Variants in EDA observed in about 807,000 individuals in gnomAD.
The protein encoded by EDA is ectodysplasin A, also known as ectodysplasin-A.
Under a neutral mutation model 23.6 loss-of-function variants are expected in EDA, and 2 were observed. That is an observed-to-expected ratio of 0.08 (90% CI 0.03 to 0.27). EDA has a LOEUF of 0.27. Ranked by LOEUF, EDA falls within the 10% of genes least tolerant of loss-of-function variation. The probability of loss-of-function intolerance (pLI) is 1.00; values close to 1 mark genes in which losing one functional copy is unlikely to be tolerated. For synonymous variants in EDA, 131 were observed against 132.0 expected (o/e 0.99, Z 0.05); for missense variants, 229 against 324.2 (o/e 0.71, Z 2.26).
chrX:69,824,288 C>T (rs1231518581), intron 1 of EDA, among the ~76,000 whole-genome samples: 1,547 of 110,328 alleles, frequency 0.014, 21 homozygotes, highest in Non-Finnish European at 0.022. Flanking sequence ...TTACCTTGGG[C>T]AGTATGGCCA....
At chrX:69,630,448 G>C (rs1326956304) in intron 1 of EDA, among the ~76,000 whole-genome samples, 1 of 111,691 alleles carries the variant, frequency 9.0e-6, no homozygotes, top group Non-Finnish European at 1.9e-5. Context: ...ATTTTGGTCT[G>C]TTTTGGATAT....
chrX:70,032,189 G>A (rs2020208808), intron 6 of EDA, among the ~76,000 whole-genome samples: 2 of 109,952 alleles, frequency 1.8e-5, no homozygotes, highest in South Asian at 4.0e-4. Flanking sequence ...AACCCGGGAG[G>A]TGGAGGTTGC....
chrX:70,029,470 T>G (rs375446877), intron 4 of EDA, 34 bp from the exon 5 acceptor site: 795 of 1,207,489 alleles, frequency 6.6e-4, no homozygotes, highest in Non-Finnish European at 8.6e-4. Context: ...AGTCAAAAGA[T>G]TATGCCCTCT....
At chrX:69,793,596 G>A (rs1401890162) in intron 1 of EDA, among the ~76,000 whole-genome samples, 47 of 61,066 alleles carry the variant, frequency 7.7e-4, no homozygotes, top group African/African-American at 2.6e-3. Context: ...TTTTGCTCCC[G>A]CTTTAGCTTA....
chrX:70,000,297 C>A (rs999186684), intron 2 of EDA, among the ~76,000 whole-genome samples: 1 of 111,937 alleles, frequency 8.9e-6, no homozygotes, highest in African/African-American at 3.2e-5. Context: ...CCATTATTTA[C>A]AGATATTGTT....
At chrX:69,820,244 C>G (rs1475325512) in intron 1 of EDA, among the ~76,000 whole-genome samples, 1 of 111,866 alleles carries the variant, frequency 8.9e-6, no homozygotes, top group Non-Finnish European at 1.9e-5. Context: ...AAAATTAACT[C>G]AAGATGAATT....
chrX:69,725,029 C>T (rs1307173943), intron 1 of EDA, among the ~76,000 whole-genome samples: 1 of 112,112 alleles, frequency 8.9e-6, no homozygotes, highest in Non-Finnish European at 1.9e-5. Flanking sequence ...GACTTCATCG[C>T]TTAGTAATCT....
rs545557746 is a variant in EDA at position 69,619,672 on chromosome X, T to A, written c.396+2968T>A. The stretch of plus-strand genomic sequence containing the variant: ...AGTAGCTGAGATTTGTCTGGATAGT[T>A]GGTGGAGATTATCTCAAGAGCAAGG... On this transcript the variant is annotated intron_variant, in intron 1 of 7. Coordinates refer to ENST00000374552, the MANE Select transcript of EDA (RefSeq NM_001399.5). Among the ~76,000 whole-genome samples, 35 of 111,939 alleles carry A rather than the reference T, an allele frequency of 3.1e-4. 1 individual carries two copies. The South Asian group carries it at 0.012, about 39-fold the overall frequency.
chrX:70,019,783 C>T (rs1489520387), intron 2 of EDA, among the ~76,000 whole-genome samples: 3 of 111,451 alleles, frequency 2.7e-5, no homozygotes, highest in Non-Finnish European at 5.7e-5. Flanking sequence ...CAAAAAACTA[C>T]TTATTGGGTA....
At chrX:69,740,736 C>T (rs1209399048) in intron 1 of EDA, among the ~76,000 whole-genome samples, 5 of 109,753 alleles carry the variant, frequency 4.6e-5, no homozygotes, top group Non-Finnish European at 9.5e-5. Flanking sequence ...AGTTTTTCTG[C>T]CTCTTTCTCT....
At chrX:69,688,493 C>T (rs765740495) in intron 1 of EDA, among the ~76,000 whole-genome samples, 27 of 111,231 alleles carry the variant, frequency 2.4e-4, no homozygotes, top group African/African-American at 7.2e-4. Flanking sequence ...CTCCACCTCC[C>T]GGGCTCAAGC....
chrX:69,945,719 C>T (rs1186975231), intron 1 of EDA, among the ~76,000 whole-genome samples: 1 of 111,658 alleles, frequency 9.0e-6, no homozygotes, highest in African/African-American at 3.3e-5. Context: ...ACAAAATATT[C>T]ATGAGACAAC....
chrX:69,845,920 A>C (rs1312813331), intron 1 of EDA, among the ~76,000 whole-genome samples: 1 of 111,989 alleles, frequency 8.9e-6, no homozygotes, highest in Non-Finnish European at 1.9e-5. Flanking sequence ...AGCCCCAGTT[A>C]AGTCTTCAGA....
intron 1 of EDA, among the ~76,000 whole-genome samples, chrX:69,682,543 C>T (rs1201393225): frequency 8.9e-6 from 1 of 112,311 alleles, no homozygotes; most frequent in Non-Finnish European, 1.9e-5. Context: ...TTTTAAGCCC[C>T]TCGGAAATGC....
intron 1 of EDA, among the ~76,000 whole-genome samples, chrX:69,679,709 C>CT (rs1934257643): frequency 9.0e-6 from 1 of 111,526 alleles, no homozygotes; most frequent in Non-Finnish European, 1.9e-5. Flanking sequence ...ATTCTTCTCT[C>CT]TTTTTTTCTT....
At chrX:69,921,210 C>T (rs1426071004) in intron 1 of EDA, among the ~76,000 whole-genome samples, 1 of 110,454 alleles carries the variant, frequency 9.1e-6, no homozygotes, top group African/African-American at 3.3e-5. Context: ...CCCAGTTAGT[C>T]CTATGATCAC....
Position 69,820,483 on chromosome X carries a change from G to C in EDA, c.397-136544G>C, listed in dbSNP as rs779025789. Among the ~76,000 whole-genome samples, 6 of 112,007 alleles carry C rather than the reference G, an allele frequency of 5.4e-5. No homozygotes were observed. The East Asian group carries it at 1.7e-3, about 31-fold the overall frequency. On this transcript the variant is annotated intron_variant, in intron 1 of 7. Transcript: ENST00000374552. ...ACCTACAGAATGGGAGAAAAGTTTT[G>C]CAATGTATCCATCTGACAAAGCTCT...
At chrX:69,766,477 G>T (rs1372865432) in intron 1 of EDA, among the ~76,000 whole-genome samples, 1 of 110,637 alleles carries the variant, frequency 9.0e-6, no homozygotes, top group Non-Finnish European at 1.9e-5. Context: ...TAGGTCCTTA[G>T]GTCCCCTCTT....
intron 1 of EDA, among the ~76,000 whole-genome samples, chrX:69,775,601 G>A (rs188420577): frequency 9.0e-6 from 1 of 111,524 alleles, no homozygotes; most frequent in East Asian, 2.8e-4. Flanking sequence ...TAAGTTATTT[G>A]TACTGTTGTT....
Sources: allele counts gnomAD v4.1 joint callset (sites outside exome capture counted in the v4.1 genomes callset), GRCh38; gene constraint gnomAD v4.1.1; transcripts MANE v1.5; gene names NCBI Gene and HGNC (gene_info 2026-07-23, HGNC 2026-07-21).